Variants in FUT9 observed in about 807,000 individuals in gnomAD.
The protein encoded by FUT9 is fucosyltransferase 9, also known as 4-galactosyl-N-acetylglucosaminide 3-alpha-L-fucosyltransferase 9.
A neutral mutation model predicts 29.7 loss-of-function variants in FUT9; 15 were observed. The ratio of observed to expected loss-of-function variants is 0.51; its 90% confidence interval spans 0.34 to 0.78. The LOEUF is 0.78. FUT9 is among the 30% of genes least tolerant of loss of function. FUT9 has a pLI of 0.01. For missense variants in FUT9, 319 were observed against 425.4 expected (o/e 0.75, Z 2.20); for synonymous variants, 169 against 153.7 (o/e 1.10, Z -0.74).
At chr6:96,162,446 C>T (rs1296828107) in intron 2 of FUT9, among the ~76,000 whole-genome samples, 1 of 152,106 alleles carries the variant, frequency 6.6e-6, no homozygotes, top group Non-Finnish European at 1.5e-5. Context: ...TTATTGTTAC[C>T]TATAGTTAAC....
At position 96,204,425 on chromosome 6, in the gene FUT9, A is replaced by AT; in HGVS notation, c.*192dup. 2.5e-6 allele frequency: 1 copy of AT among 400,724 alleles called. No homozygotes were observed. Among genetic ancestry groups the AT allele is most frequent in the Non-Finnish European group, 4.6e-6 (1 of 217,182 alleles). The allele number at this position is 400,724 out of a possible 1,614,324, so 24.8% of individuals were successfully genotyped here. On this transcript the variant is annotated 3_prime_UTR_variant, in exon 3 of 3. Coordinates refer to ENST00000302103, the MANE Select transcript of FUT9 (RefSeq NM_006581.4). ...GAGCAATCATTCCATTCGGTTTTAA[A>AT]TTATCCTGTATATACCTAATTATGT...
intron 1 of FUT9, among the ~76,000 whole-genome samples, chr6:96,046,668 A>G (rs1770569591): frequency 6.6e-6 from 1 of 152,148 alleles, no homozygotes; most frequent in South Asian, 2.1e-4. Flanking sequence ...CAAGCTTTGT[A>G]AGAGAAGAGA....
rs1227227644 is a variant in FUT9, at chr6:96,206,153, A to G, written c.*1918A>G. On this transcript the variant is annotated 3_prime_UTR_variant, in exon 3 of 3. Transcript: ENST00000302103. ...ATGGGTCAATGCTGATTTAATGGGG[A>G]AAAAAAGTAGAAAATTTCCCCAATT... 3.0e-5 allele frequency: 5 copies of G among 166,932 alleles called. No individual in the cohort carries two copies. Among genetic ancestry groups the G allele is most frequent in the African/African-American group, 9.7e-5 (4 of 41,398 alleles). 10.3% of individuals were successfully genotyped at this position (166,932 alleles called of 1,614,324 possible). A position where few individuals can be genotyped will look rare whatever the true frequency, so the allele number is the denominator to read the frequency against.
chr6:96,027,613 T>C (rs1475217313), intron 1 of FUT9, among the ~76,000 whole-genome samples: 1 of 151,600 alleles, frequency 6.6e-6, no homozygotes, highest in Non-Finnish European at 1.5e-5. Context: ...CTTCTGACTC[T>C]TATTGCTTAC....
At position 96,211,013 on chromosome 6, in the gene FUT9, G is replaced by C. The variant is rs146718356; in HGVS notation, c.*6778G>C. 8.9e-3 allele frequency: 1,483 copies of C among 166,936 alleles called. 13 individuals carry two copies. Among genetic ancestry groups the C allele is most frequent in the Non-Finnish European group, 0.015 (1,046 of 67,980 alleles). 10.3% of individuals were successfully genotyped at this position (166,936 alleles called of 1,614,324 possible). On this transcript the variant is annotated 3_prime_UTR_variant, in exon 3 of 3. Coordinates refer to ENST00000302103, the MANE Select transcript of FUT9 (RefSeq NM_006581.4). The stretch of plus-strand genomic sequence containing the variant: ...ATAAAAGATAATTGTGAGGAATCCA[G>C]TGCTATTTTCACAATTTTAATTCTA...
intron 1 of FUT9, among the ~76,000 whole-genome samples, chr6:96,031,195 C>T (rs1259955243): frequency 1.3e-5 from 2 of 151,538 alleles, no homozygotes; most frequent in Non-Finnish European, 3.0e-5. Flanking sequence ...ATGGTTATTT[C>T]ACATATTTTT....
Position 96,209,507 on chromosome 6 carries a change from TAG to T in FUT9, c.*5275_*5276del, listed in dbSNP as rs1397838297. 1 of 166,906 alleles carries T rather than the reference TAG, an allele frequency of 6.0e-6. No homozygotes were observed. Among genetic ancestry groups the T allele is most frequent in the Non-Finnish European group, 1.5e-5 (1 of 68,038 alleles). 10.3% of individuals were successfully genotyped at this position (166,906 alleles called of 1,614,324 possible). A position where few individuals can be genotyped will look rare whatever the true frequency, so the allele number is the denominator to read the frequency against. On this transcript the variant is annotated 3_prime_UTR_variant, in exon 3 of 3. Coordinates refer to ENST00000302103, the MANE Select transcript of FUT9 (RefSeq NM_006581.4). Reference sequence around the variant, plus strand: ...TTTTAGGCATTATTTTGAAATATTTTAGAGTTTTCTGTACTATTCAAACTCTT... The same window carrying T: ...TTTTAGGCATTATTTTGAAATATTTTAGTTTTCTGTACTATTCAAACTCTT...
intron 1 of FUT9, among the ~76,000 whole-genome samples, chr6:96,085,185 G>A (rs1052361939): frequency 6.6e-6 from 1 of 152,168 alleles, no homozygotes; most frequent in Non-Finnish European, 1.5e-5. Flanking sequence ...TTCTGGCATA[G>A]CTCAAAGGAT....
rs1562157305 is a variant in FUT9 at position 96,187,509 on chromosome 6, AG to A, written c.-8-15638del. 3.3e-5 allele frequency among the ~76,000 whole-genome samples: 5 copies of A among 152,236 alleles called. No individual in the cohort carries two copies. In the South Asian group the frequency reaches 1.0e-3, roughly 32 times the overall value. On this transcript the variant is annotated intron_variant, in intron 2 of 2. Transcript: ENST00000302103. ...GGGTGCAGACTGTAATTCCTAGAAA[AG>A]TTTGGAATCCATATAAAACTCCTGT...
At chr6:96,170,782 G>A (rs1296738581) in intron 2 of FUT9, among the ~76,000 whole-genome samples, 1 of 152,024 alleles carries the variant, frequency 6.6e-6, no homozygotes, top group African/African-American at 2.4e-5. Context: ...TTAAACCCTG[G>A]AGAATGGGAC....
At chr6:96,144,063 C>T (rs1037568575) in intron 2 of FUT9, among the ~76,000 whole-genome samples, 52 of 152,164 alleles carry the variant, frequency 3.4e-4, no homozygotes, top group African/African-American at 1.3e-3. Context: ...TCCTGTTTAC[C>T]CTGCTCTTGT....
intron 1 of FUT9, among the ~76,000 whole-genome samples, chr6:96,108,401 A>AT (rs1771733275): frequency 6.6e-6 from 1 of 152,182 alleles, no homozygotes; most frequent in Admixed American, 6.5e-5. Flanking sequence ...CTCTCTGTGC[A>AT]TCACATTTCT....
intron 2 of FUT9, among the ~76,000 whole-genome samples, chr6:96,149,468 A>C (rs1772636886): frequency 2.0e-5 from 3 of 152,224 alleles, no homozygotes. Flanking sequence ...CCTGAAACAA[A>C]TGTTTTCTCA....
intron 2 of FUT9, among the ~76,000 whole-genome samples, chr6:96,195,728 A>T (rs752365256): frequency 6.6e-6 from 1 of 152,204 alleles, no homozygotes; most frequent in African/African-American, 2.4e-5. Flanking sequence ...TAGCATAAAA[A>T]TTGTAGCCAG....
intron 1 of FUT9, among the ~76,000 whole-genome samples, chr6:96,050,286 C>A (rs2493350): frequency 0.62 from 93,696 of 151,982 alleles, 29,232 homozygotes; most frequent in African/African-American, 0.72. Context: ...TTTACCCCAA[C>A]CTAATTTGAG....
intron 1 of FUT9, among the ~76,000 whole-genome samples, chr6:96,050,597 T>C (rs1770648335): frequency 6.6e-6 from 1 of 152,200 alleles, no homozygotes; most frequent in Non-Finnish European, 1.5e-5. Context: ...TAAATGCCTA[T>C]CCTCTCTTTC....
In FUT9 at chr6:96,061,829, C is replaced by G. The variant is rs895890908; in HGVS notation, c.-98+45617C>G. ...TCAGCAAACTCAGAAAGCTCTTAAT[C>G]TCTCCTGTTTTATGTAGAGGGATTC... On this transcript the variant is annotated intron_variant, in intron 1 of 2. Transcript: ENST00000302103. Among the ~76,000 whole-genome samples, 5 of 152,202 alleles carry G rather than the reference C, an allele frequency of 3.3e-5. 1 individual carries two copies. The highest frequency in any genetic ancestry group is 3.3e-4 in the Admixed American group (5 of 15,282).
chr6:96,102,404 A>G lies in FUT9; in HGVS notation c.-97-11635A>G, dbSNP rs932982857. On this transcript the variant is annotated intron_variant, in intron 1 of 2. Transcript: ENST00000302103. ...ATAATTATGTTTTGTTTTTACTGAG[A>G]TAATTTTCTAATTCTTACTTCCTTT... 2.0e-5 allele frequency among the ~76,000 whole-genome samples: 3 copies of G among 151,926 alleles called. 1 individual carries two copies. In the East Asian group the frequency reaches 5.8e-4, roughly 29 times the overall value.
At chr6:96,155,021 A>G (rs1249097324) in intron 2 of FUT9, among the ~76,000 whole-genome samples, 1 of 152,288 alleles carries the variant, frequency 6.6e-6, no homozygotes, top group East Asian at 1.9e-4. Flanking sequence ...TTAACATTTC[A>G]GGTGGCTCTC....
Sources: gnomAD v4.1 joint callset for allele counts (sites outside exome capture counted in the v4.1 genomes callset) on GRCh38, gnomAD v4.1.1 for gene constraint, MANE v1.5 for transcripts, NCBI Gene and HGNC (gene_info 2026-07-23, HGNC 2026-07-21) for gene names.